Variants in SH3BP5 observed in about 807,000 individuals in gnomAD.
The protein encoded by SH3BP5 is SH3 domain binding protein 5.
In SH3BP5, 22 loss-of-function variants were observed where a neutral mutation model predicts 43.3. The observed-to-expected ratio is 0.51, with a 90% CI of 0.36 to 0.73. The LOEUF (loss-of-function observed/expected upper bound fraction) is 0.73. SH3BP5 is among the 30% of genes least tolerant of loss of function. The pLI is 0.00. For missense variants in SH3BP5, 529 were observed against 586.9 expected (o/e 0.90, Z 1.02); for synonymous variants, 255 against 225.8 (o/e 1.13, Z -1.16).
chr3:15,309,129 C>G (rs1199986766), intron 2 of SH3BP5, among the ~76,000 whole-genome samples: 1 of 152,020 alleles, frequency 6.6e-6, no homozygotes, highest in Admixed American at 6.6e-5. Context: ...CAGATAGTCA[C>G]TCAAATGAAA....
upstream of SH3BP5, among the ~76,000 whole-genome samples, chr3:15,335,058 C>T (rs1236078552): frequency 1.3e-5 from 2 of 151,990 alleles, no homozygotes; most frequent in East Asian, 3.9e-4. Flanking sequence ...GAGACGATCG[C>T]TTGAGGCCAG....
rs759598479 is a variant in SH3BP5, at chr3:15,259,030, A to C, written c.690T>G (p.Asp230Glu). ...VQLEQLKKTVDDLQAKLTLAK... is the reference protein window; with the variant it reads ...VQLEQLKKTVEDLQAKLTLAK... Reference sequence around the variant, plus strand: ...CCAGGGTCAGTTTGGCCTGCAGGTCATCCACAGTCTTTTTCAGTTGCTGAT... The same window carrying C: ...CCAGGGTCAGTTTGGCCTGCAGGTCCTCCACAGTCTTTTTCAGTTGCTGAT... The change falls in exon 7 of 9, where the codon GAT (aspartate) becomes GAG (glutamate). Residue 230 changes from aspartate (D) to glutamate (E), a missense_variant. By Grantham distance (45) the Asp-to-Glu change is conservative (BLOSUM62 2). Transcript: ENST00000383791. 3.1e-6 allele frequency: 5 copies of C among 1,614,080 alleles called. No individual in the cohort carries two copies. The highest frequency in any genetic ancestry group is 4.2e-6 in the Non-Finnish European group (5 of 1,180,014).
chr3:15,321,252 T>C (rs1698317780), intron 2 of SH3BP5, among the ~76,000 whole-genome samples: 1 of 152,196 alleles, frequency 6.6e-6, no homozygotes, highest in Non-Finnish European at 1.5e-5. Context: ...CCATTATATC[T>C]TGATTTATTG....
intron 3 of SH3BP5, among the ~76,000 whole-genome samples, chr3:15,281,642 C>T (rs1450519044): frequency 6.6e-6 from 1 of 152,170 alleles, no homozygotes; most frequent in Non-Finnish European, 1.5e-5. Flanking sequence ...CATGGTTCCA[C>T]CTGCACCATG....
Position 15,332,439 on chromosome 3 carries a change from G to A in SH3BP5, c.-31C>T. ...CAGCCGGCACGCGCGCCGCGCAGTGGGCTCCGGAGCGCCCCGGGGGTCGCG... is the reference window on the plus strand; with the variant it reads ...CAGCCGGCACGCGCGCCGCGCAGTGAGCTCCGGAGCGCCCCGGGGGTCGCG... On this transcript the variant is annotated 5_prime_UTR_variant, in exon 1 of 9. Transcript: ENST00000383791. 7 of 1,510,814 alleles carry A rather than the reference G, an allele frequency of 4.6e-6. No individual in the cohort carries two copies. The highest frequency in any genetic ancestry group is 6.2e-6 in the Non-Finnish European group (7 of 1,135,108). 93.6% of individuals were successfully genotyped at this position (1,510,814 alleles called of 1,614,324 possible).
chr3:15,320,181 C>A (rs1559457357), intron 2 of SH3BP5, among the ~76,000 whole-genome samples: 1 of 151,992 alleles, frequency 6.6e-6, no homozygotes. Flanking sequence ...GGGTTTAATG[C>A]CAAACAATAA....
chr3:15,332,446 G>A lies in SH3BP5; in HGVS notation c.-38C>T, dbSNP rs1051270650. 3.3e-6 allele frequency: 5 copies of A among 1,500,596 alleles called. No individual in the cohort carries two copies. The highest frequency in any genetic ancestry group is 4.4e-6 in the Non-Finnish European group (5 of 1,130,710). 93.0% of individuals were successfully genotyped at this position (1,500,596 alleles called of 1,614,324 possible). A position where few individuals can be genotyped will look rare whatever the true frequency, so the allele number is the denominator to read the frequency against. On this transcript the variant is annotated 5_prime_UTR_variant, in exon 1 of 9. Coordinates refer to ENST00000383791, the MANE Select transcript of SH3BP5 (RefSeq NM_004844.5). ...CACGCGCGCCGCGCAGTGGGCTCCG[G>A]AGCGCCCCGGGGGTCGCGGCTGCCA...
At chr3:15,332,246 T>C (rs1256808627) in intron 1 of SH3BP5, 25 bp downstream of exon 1, 1 of 1,551,394 alleles carries the variant, frequency 6.4e-7, no homozygotes, top group South Asian at 1.2e-5. Context: ...GAAGCCCGGA[T>C]GCGGGGCGAC....
intron 2 of SH3BP5, 161 bp from the exon 3 acceptor site, chr3:15,304,392 A>C: frequency 9.0e-7 from 1 of 1,107,046 alleles, no homozygotes; most frequent in Non-Finnish European, 1.3e-6. Context: ...CACCGCCCAA[A>C]ACAGCTTCCT....
chr3:15,337,489 G>A (rs1310507822), upstream of SH3BP5, among the ~76,000 whole-genome samples: 1 of 152,122 alleles, frequency 6.6e-6, no homozygotes, highest in African/African-American at 2.4e-5. Flanking sequence ...TCTGCAGAAA[G>A]CAACATTAAT....
intron 7 of SH3BP5, chr3:15,258,604 G>A: frequency 1.8e-6 from 1 of 567,082 alleles, no homozygotes; most frequent in Non-Finnish European, 3.1e-6. Context: ...GAGTGAAGGT[G>A]TAACATTTTC....
At chr3:15,292,164 A>G (rs573590535) in intron 3 of SH3BP5, among the ~76,000 whole-genome samples, 20 of 152,354 alleles carry the variant, frequency 1.3e-4, no homozygotes, top group African/African-American at 4.6e-4. Flanking sequence ...ATCCATGTCC[A>G]TGCAATCACT....
At chr3:15,338,790 G>A (rs1698731250) in intron 1 of SH3BP5, among the ~76,000 whole-genome samples, 1 of 152,104 alleles carries the variant, frequency 6.6e-6, no homozygotes, top group Non-Finnish European at 1.5e-5. Context: ...TCTCTGATTG[G>A]CAAGAGTGTG....
At chr3:15,324,096 A>C (rs567344691) in intron 2 of SH3BP5, among the ~76,000 whole-genome samples, 2 of 152,080 alleles carry the variant, frequency 1.3e-5, no homozygotes, top group Non-Finnish European at 1.5e-5. Flanking sequence ...TTTTCTTTAT[A>C]ATCAACCAAT....
In SH3BP5 at chr3:15,256,903, G is replaced by A. The variant is rs1294891736; in HGVS notation, c.1100C>T (p.Pro367Leu). The change falls in exon 8 of 9, where the codon CCT becomes CTT. Residue 367 changes from proline (P) to leucine (L), a missense_variant. Pro to Leu is a moderately conservative substitution (Grantham distance 98). This residue lies in a region of SH3BP5 where 369 missense variants were observed against 384.3 expected (regional missense o/e 0.96). Coordinates refer to ENST00000383791, the MANE Select transcript of SH3BP5 (RefSeq NM_004844.5). The part of the protein sequence containing the change: ...EFGMMFPVLG[P>L]RSECSGASSP... ...GGAGGCCCCGCTGCATTCACTTCGAGGGCCCAACACTGGGAACATCATCCC... is the reference window on the plus strand; with the variant it reads ...GGAGGCCCCGCTGCATTCACTTCGAAGGCCCAACACTGGGAACATCATCCC... 1 of 1,613,934 alleles carries A rather than the reference G, an allele frequency of 6.2e-7. No individual in the cohort carries two copies. The highest frequency in any genetic ancestry group is 2.2e-5 in the East Asian group (1 of 44,882).
At chr3:15,324,052 T>C (rs1160811202) in intron 2 of SH3BP5, among the ~76,000 whole-genome samples, 2 of 152,186 alleles carry the variant, frequency 1.3e-5, no homozygotes, top group African/African-American at 4.8e-5. Flanking sequence ...TGGCTCAGGC[T>C]ACCCTGAAGA....
intron 5 of SH3BP5, among the ~76,000 whole-genome samples, chr3:15,261,748 C>T (rs1388357288): frequency 6.6e-6 from 1 of 151,930 alleles, no homozygotes; most frequent in Non-Finnish European, 1.5e-5. Context: ...ATTTTATCAG[C>T]TCTTGATCAC....
chr3:15,309,906 ACCC>A (rs67572916), intron 2 of SH3BP5, among the ~76,000 whole-genome samples: 1 of 125,848 alleles, frequency 7.9e-6, no homozygotes, highest in African/African-American at 3.0e-5. Flanking sequence ...TCCCCGCTCC[ACCC>A]CCCCCCCATA....
In SH3BP5 at chr3:15,321,361, G is replaced by T. The variant is rs1462745852; in HGVS notation, c.201+9143C>A. ...CATCCTTCCATGAATTACAACTAGA[G>T]TAGCTTAACAATACACTAATTCATC... On this transcript the variant is annotated intron_variant, in intron 2 of 8. Transcript: ENST00000383791. Among the ~76,000 whole-genome samples, 3 of 152,136 alleles carry T rather than the reference G, an allele frequency of 2.0e-5. No individual in the cohort carries two copies. In the South Asian group the frequency reaches 6.2e-4, roughly 32 times the overall value.
Sources: allele counts gnomAD v4.1 joint callset (sites outside exome capture counted in the v4.1 genomes callset), GRCh38; gene constraint gnomAD v4.1.1; regional missense constraint gnomAD v4.1.1; transcripts MANE v1.5; gene names NCBI Gene and HGNC (gene_info 2026-07-23, HGNC 2026-07-21).